The following TMEM135 variants were observed in gnomAD, a reference collection of about 807,000 sequenced individuals.
The protein encoded by TMEM135 is peroxisomal membrane protein 52.
TMEM135 carries 30 observed loss-of-function variants against 60.3 expected under a neutral mutation model. The ratio of observed to expected loss-of-function variants is 0.50; its 90% CI spans 0.37 to 0.68. TMEM135 has a LOEUF of 0.68. Ranked by LOEUF, TMEM135 falls within the 30% of genes least tolerant of loss-of-function variation. The pLI, the probability that TMEM135 is intolerant of heterozygous loss-of-function variation, is 0.00. For synonymous variants in TMEM135, 190 were observed against 186.7 expected (o/e 1.02, Z -0.14); for missense variants, 468 against 548.8 (o/e 0.85, Z 1.47).
intron 4 of TMEM135, among the ~76,000 whole-genome samples, chr11:87,135,541 C>T (rs2135238283): frequency 7.3e-6 from 1 of 137,262 alleles, no homozygotes; most frequent in Non-Finnish European, 1.5e-5. Flanking sequence ...GTTGAAAAAT[C>T]AGTTTTACAC....
At chr11:87,149,456 G>A (rs1938498585) in intron 4 of TMEM135, among the ~76,000 whole-genome samples, 1 of 152,146 alleles carries the variant, frequency 6.6e-6, no homozygotes. Flanking sequence ...AGTGGGAGAG[G>A]GTCAGGGAAA....
intron 6 of TMEM135, among the ~76,000 whole-genome samples, chr11:87,276,781 G>A (rs1316215894): frequency 6.9e-6 from 1 of 143,918 alleles, no homozygotes; most frequent in Non-Finnish European, 1.5e-5. Flanking sequence ...TGATTCTCCT[G>A]CCTCAGCCTC....
intron 4 of TMEM135, among the ~76,000 whole-genome samples, chr11:87,118,476 T>C (rs951628133): frequency 1.3e-5 from 2 of 151,816 alleles, no homozygotes; most frequent in Non-Finnish European, 2.9e-5. Flanking sequence ...TGAGACGGTG[T>C]GTCACACTGT....
At position 87,322,577 on chromosome 11, in the gene TMEM135, A is replaced by G; in HGVS notation, c.*1244A>G. ...TGAAGTGGTCTACAGTTAATGTGAC[A>G]TGTAGGGATGATGATATTTTTAAAA... On this transcript the variant is annotated 3_prime_UTR_variant, in exon 15 of 15. Coordinates refer to ENST00000305494, the MANE Select transcript of TMEM135 (RefSeq NM_022918.4). 2.2e-6 allele frequency: 1 copy of G among 454,056 alleles called. No individual in the cohort carries two copies. Among genetic ancestry groups the G allele is most frequent in the Non-Finnish European group, 4.4e-6 (1 of 226,734 alleles). 28.1% of individuals were successfully genotyped at this position (454,056 alleles called of 1,614,324 possible). A position where few individuals can be genotyped will look rare whatever the true frequency, so the allele number is the denominator to read the frequency against.
rs1941204456 is a variant in TMEM135 at position 87,244,175 on chromosome 11, C to T, written c.509+7491C>T. 3.0e-5 allele frequency among the ~76,000 whole-genome samples: 2 copies of T among 67,648 alleles called. 1 individual carries two copies. The highest frequency in any genetic ancestry group is 4.9e-4 in the East Asian group (2 of 4,048). 44.4% of individuals were successfully genotyped at this position (67,648 alleles called of 152,430 possible). ...CATTTATTGATTTGCGTATATTGAA[C>T]CAGCCTTGCATCCCAGGGATGAAGC... On this transcript the variant is annotated intron_variant, in intron 6 of 14. Transcript: ENST00000305494.
At chr11:87,306,912 G>A (rs970488247) in intron 9 of TMEM135, among the ~76,000 whole-genome samples, 1 of 151,958 alleles carries the variant, frequency 6.6e-6, no homozygotes, top group Non-Finnish European at 1.5e-5. Flanking sequence ...GTAGAGGCAG[G>A]GTTTCACCAT....
rs1315915521 is a variant in TMEM135, at chr11:87,272,303, G to A, written c.510-23479G>A. On this transcript the variant is annotated intron_variant, in intron 6 of 14. Coordinates refer to ENST00000305494, the MANE Select transcript of TMEM135 (RefSeq NM_022918.4). ...ACTCCTGACCTCAGGCAATCCTCCC[G>A]CCTCAGTCTCCCAAAGTGTTGGGAT... Among the ~76,000 whole-genome samples, 4 of 151,588 alleles carry A rather than the reference G, an allele frequency of 2.6e-5. No homozygotes were observed. In the East Asian group the frequency reaches 7.7e-4, roughly 29 times the overall value.
intron 6 of TMEM135, among the ~76,000 whole-genome samples, chr11:87,255,640 A>G (rs892650064): frequency 1.5e-5 from 2 of 133,476 alleles, no homozygotes; most frequent in African/African-American, 2.9e-5. Context: ...CATAAGGAGA[A>G]TCTTGTCTCT....
At position 87,195,046 on chromosome 11, in the gene TMEM135, CA is replaced by C. The variant is rs1355176017; in HGVS notation, c.462+37641del. ...CATGCCTTTTATTTAAAGTGTGAAACATACATTAAAAATTTAGTCTTCTTTA... is the reference window on the plus strand; with the variant it reads ...CATGCCTTTTATTTAAAGTGTGAAACTACATTAAAAATTTAGTCTTCTTTA... On this transcript the variant is annotated intron_variant, in intron 5 of 14. Transcript: ENST00000305494. Among the ~76,000 whole-genome samples the C allele has an allele frequency of 2.6e-5, 4 of 152,220 alleles. No individual in the cohort carries two copies. In the East Asian group the frequency reaches 7.7e-4, roughly 29 times the overall value.
chr11:87,133,506 A>G (rs572024104), intron 4 of TMEM135, among the ~76,000 whole-genome samples: 2 of 152,232 alleles, frequency 1.3e-5, no homozygotes, highest in Admixed American at 6.5e-5. Flanking sequence ...TTCTGAAGTT[A>G]CTTACTCTTG....
At chr11:87,259,262 G>C in intron 6 of TMEM135, 3 of 412,196 alleles carry the variant, frequency 7.3e-6, no homozygotes, top group Admixed American at 7.1e-5. Flanking sequence ...CAGCGGCCAT[G>C]GCTGTAGGGG....
chr11:87,168,390 T>C (rs1939127895), intron 5 of TMEM135, among the ~76,000 whole-genome samples: 1 of 152,066 alleles, frequency 6.6e-6, no homozygotes, highest in Admixed American at 6.6e-5. Context: ...CTTTTAATTG[T>C]GATATTAGGG....
intron 13 of TMEM135, among the ~76,000 whole-genome samples, chr11:87,318,653 A>G (rs564121906): frequency 6.6e-6 from 1 of 152,196 alleles, no homozygotes; most frequent in Non-Finnish European, 1.5e-5. Context: ...CTAGTTTCAT[A>G]TAAGCATTGT....
chr11:87,101,788 A>G (rs1466576752), intron 4 of TMEM135, among the ~76,000 whole-genome samples: 9 of 152,158 alleles, frequency 5.9e-5, no homozygotes, highest in Admixed American at 5.9e-4. Flanking sequence ...CAGCCTGACC[A>G]ACATGGATAA....
At chr11:87,274,318 C>T (rs887234420) in intron 6 of TMEM135, among the ~76,000 whole-genome samples, 8 of 152,150 alleles carry the variant, frequency 5.3e-5, no homozygotes, top group Admixed American at 3.3e-4. Flanking sequence ...ACTTTCAAGG[C>T]GAAATCCAGA....
At chr11:87,172,976 C>T (rs476597) in intron 5 of TMEM135, among the ~76,000 whole-genome samples, 55,951 of 151,474 alleles carry the variant, frequency 0.37, 10,875 homozygotes, top group East Asian at 0.67. Flanking sequence ...AAAATTATTA[C>T]ACTTAATTTT....
chr11:87,083,008 A>G (rs1309677898), intron 3 of TMEM135, among the ~76,000 whole-genome samples: 4 of 152,322 alleles, frequency 2.6e-5, no homozygotes, highest in East Asian at 1.9e-4. Context: ...ATAAAGATCT[A>G]TCTGTAAATA....
At chr11:87,087,306 A>C (rs1259989180) in intron 3 of TMEM135, among the ~76,000 whole-genome samples, 2 of 137,448 alleles carry the variant, frequency 1.5e-5, no homozygotes, top group Non-Finnish European at 3.1e-5. Context: ...AAAAAAAAAA[A>C]ACCTTCAGGT....
chr11:87,070,513 A>G (rs960998696), intron 2 of TMEM135, among the ~76,000 whole-genome samples: 3 of 152,142 alleles, frequency 2.0e-5, no homozygotes, highest in Non-Finnish European at 2.9e-5. Context: ...AAGCGCCTGT[A>G]ATCCCAGCTA....
Sources: gnomAD v4.1 joint callset for allele counts (sites outside exome capture counted in the v4.1 genomes callset) on GRCh38, gnomAD v4.1.1 for gene constraint, MANE v1.5 for transcripts, NCBI Gene and HGNC (gene_info 2026-07-23, HGNC 2026-07-21) for gene names.